UBE2E1: variants seen among roughly 807,000 people sequenced by gnomAD.
The protein encoded by UBE2E1 is ubiquitin-conjugating enzyme E2 E1.
UBE2E1 carries 6 observed loss-of-function variants against 21.4 expected under a neutral mutation model. The ratio of observed to expected loss-of-function variants is 0.28; its 90% CI spans 0.15 to 0.55. UBE2E1 has a LOEUF of 0.55. Among genes scored for constraint, UBE2E1 ranks in the 20% least tolerant of loss-of-function variants. UBE2E1 has a pLI of 0.93. For synonymous variants in UBE2E1, 87 were observed against 82.7 expected, an observed-to-expected ratio of 1.05 and a Z score of -0.28; for missense variants, 142 against 236.5, an observed-to-expected ratio of 0.60 and a Z score of 2.62.
Position 23,863,050 on chromosome 3 carries a change from TTGTTA to T in UBE2E1, c.204-24516_204-24512del, listed in dbSNP as rs1383857694. Among the ~76,000 whole-genome samples the T allele has an allele frequency of 1.4e-5, 1 of 73,182 alleles. No individual in the cohort carries two copies. The highest frequency in any genetic ancestry group is 6.9e-5 in the African/African-American group (1 of 14,578). The allele number at this position is 73,182 out of a possible 152,430, so 48.0% of individuals were successfully genotyped here. A position where few individuals can be genotyped will look rare whatever the true frequency, so the allele number is the denominator to read the frequency against. ...TTTAAAGGCTTTAATATTTCTTTGT[TTGTTA>T]AAAAAAAAAAAAAAAACTATTCCCA... On this transcript the variant is annotated intron_variant, in intron 3 of 5. Coordinates refer to ENST00000306627, the MANE Select transcript of UBE2E1 (RefSeq NM_003341.5). The surrounding 1 kb of genome is among the most constrained non-coding windows in gnomAD (Gnocchi z 4.3).
chr3:23,844,784 T>C (rs1215592135), intron 3 of UBE2E1, among the ~76,000 whole-genome samples: 1 of 152,204 alleles, frequency 6.6e-6, no homozygotes, highest in Non-Finnish European at 1.5e-5. Flanking sequence ...TTAGGTGTTA[T>C]GCGTGGGAGA....
intron 3 of UBE2E1, among the ~76,000 whole-genome samples, chr3:23,872,381 GGGGAGAGGGAGA>G (rs562975927): frequency 1.3e-5 from 2 of 149,318 alleles, no homozygotes; most frequent in Non-Finnish European, 3.0e-5. Context: ...GGAGGGGGAG[GGGGAGAGGGAGA>G]GGGAGAGGCC....
intron 3 of UBE2E1, among the ~76,000 whole-genome samples, chr3:23,846,297 C>T (rs1402877419): frequency 6.6e-6 from 1 of 151,958 alleles, no homozygotes; most frequent in Non-Finnish European, 1.5e-5. Flanking sequence ...GTGCAGTGGC[C>T]CATTCCTGTA....
At chr3:23,815,611 G>A (rs1190934116) in intron 3 of UBE2E1, among the ~76,000 whole-genome samples, 1 of 152,146 alleles carries the variant, frequency 6.6e-6, no homozygotes, top group Non-Finnish European at 1.5e-5. Context: ...TGTCAGTTCA[G>A]AAGTCCCAGG....
chr3:23,816,940 ATG>A lies in UBE2E1; in HGVS notation c.203+5432_203+5433del, dbSNP rs1188706340. On this transcript the variant is annotated intron_variant, in intron 3 of 5. Transcript: ENST00000306627. The surrounding 1 kb of genome is among the most constrained non-coding windows in gnomAD (Gnocchi z 4.8). ...TGGTGATGGTTGCGCAATATTGTGA[ATG>A]TAATTAATGCCACTAAATTGTACAC... is the stretch of plus-strand genomic sequence containing the variant. Among the ~76,000 whole-genome samples, 1 of 152,196 alleles carries A rather than the reference ATG, an allele frequency of 6.6e-6. No homozygotes were observed. The highest frequency in any genetic ancestry group is 1.5e-5 in the Non-Finnish European group (1 of 68,026).
At chr3:23,837,947 C>G (rs1700005569) in intron 3 of UBE2E1, among the ~76,000 whole-genome samples, 1 of 152,170 alleles carries the variant, frequency 6.6e-6, no homozygotes, top group Non-Finnish European at 1.5e-5. Context: ...CTTATTAAAA[C>G]AGGTTGATAC....
chr3:23,880,159 G>T (rs906640745), intron 3 of UBE2E1, among the ~76,000 whole-genome samples: 2 of 152,104 alleles, frequency 1.3e-5, no homozygotes, highest in African/African-American at 4.8e-5. Context: ...GAGGCGGGCG[G>T]ATCACCTGAG....
At chr3:23,846,780 A>G (rs1700215279) in intron 3 of UBE2E1, among the ~76,000 whole-genome samples, 1 of 151,876 alleles carries the variant, frequency 6.6e-6, no homozygotes, top group South Asian at 2.1e-4. Context: ...GTCTTGGAGT[A>G]TACCATTTGA....
At chr3:23,845,844 C>T (rs1431719304) in intron 3 of UBE2E1, among the ~76,000 whole-genome samples, 1 of 151,906 alleles carries the variant, frequency 6.6e-6, no homozygotes. Context: ...TTACGGACAC[C>T]GATTTCAATT....
rs888493209 is a variant in UBE2E1, at chr3:23,846,719, G to A, written c.203+35209G>A. Among the ~76,000 whole-genome samples the A allele has an allele frequency of 4.7e-3, 448 of 95,082 alleles. 8 individuals carry two copies. The East Asian group carries it at 0.052, about 11-fold the overall frequency. The allele number at this position is 95,082 out of a possible 152,430, so 62.4% of individuals were successfully genotyped here. On this transcript the variant is annotated intron_variant, in intron 3 of 5. Coordinates refer to ENST00000306627, the MANE Select transcript of UBE2E1 (RefSeq NM_003341.5). The stretch of plus-strand genomic sequence containing the variant: ...TCATCAAAAAAAAAAAAAAAAAAAA[G>A]GGAATGGGTAATAGAGATGGAAAAT...
At chr3:23,890,206 T>A (rs1371276128) in intron 5 of UBE2E1, among the ~76,000 whole-genome samples, 1 of 152,152 alleles carries the variant, frequency 6.6e-6, no homozygotes, top group Non-Finnish European at 1.5e-5. Flanking sequence ...CAGTCTCTAC[T>A]GAACTCAGCC....
intron 3 of UBE2E1, among the ~76,000 whole-genome samples, chr3:23,818,004 C>T (rs1410540454): frequency 1.3e-5 from 2 of 152,034 alleles, no homozygotes; most frequent in Non-Finnish European, 2.9e-5. Flanking sequence ...GAGATTGCTA[C>T]AGTAGTTAAG....
intron 3 of UBE2E1, among the ~76,000 whole-genome samples, chr3:23,855,310 C>G (rs925288409): frequency 6.6e-6 from 1 of 152,024 alleles, no homozygotes; most frequent in Non-Finnish European, 1.5e-5. Flanking sequence ...CATCTTGATA[C>G]GTTAATTTTC....
intron 3 of UBE2E1, among the ~76,000 whole-genome samples, chr3:23,839,056 C>T (rs1370805979): frequency 6.6e-6 from 1 of 152,126 alleles, no homozygotes; most frequent in East Asian, 1.9e-4. Context: ...GACCCCTCAA[C>T]AATCCCTCTC....
Position 23,816,760 on chromosome 3 carries a change from G to A in UBE2E1, c.203+5250G>A, listed in dbSNP as rs1440462409. Reference sequence around the variant, plus strand: ...AACTAGAACCAAAAAGACAAATAGCGTATGATTCCACTTACATGAAATACC... The same window carrying A: ...AACTAGAACCAAAAAGACAAATAGCATATGATTCCACTTACATGAAATACC... On this transcript the variant is annotated intron_variant, in intron 3 of 5. Coordinates refer to ENST00000306627, the MANE Select transcript of UBE2E1 (RefSeq NM_003341.5). This position sits in a 1 kb window ranked among gnomAD's most constrained non-coding sequence, Gnocchi z 4.8. Among the ~76,000 whole-genome samples, 5 of 152,028 alleles carry A rather than the reference G, an allele frequency of 3.3e-5. No individual in the cohort carries two copies. The highest frequency in any genetic ancestry group is 2.1e-4 in the South Asian group (1 of 4,812).
intron 3 of UBE2E1, among the ~76,000 whole-genome samples, chr3:23,834,142 A>G (rs1408262706): frequency 6.6e-6 from 1 of 152,246 alleles, no homozygotes; most frequent in Non-Finnish European, 1.5e-5. Context: ...GTCTTTGGAC[A>G]AGGCCTTTTA....
Position 23,890,777 on chromosome 3 carries a change from G to A in UBE2E1, c.*171G>A. 5.7e-6 allele frequency: 3 copies of A among 528,400 alleles called. No individual in the cohort carries two copies. The highest frequency in any genetic ancestry group is 3.1e-6 in the Non-Finnish European group (1 of 321,500). The allele number at this position is 528,400 out of a possible 1,614,324, so 32.7% of individuals were successfully genotyped here. A position where few individuals can be genotyped will look rare whatever the true frequency, so the allele number is the denominator to read the frequency against. On this transcript the variant is annotated 3_prime_UTR_variant, in exon 6 of 6. Transcript: ENST00000306627. ...TTGTAACTTAAGGTATCTTGCTACA[G>A]TAGACAGAATTGGTAATAGCAACTT...
chr3:23,825,772 G>C (rs1339354412), intron 3 of UBE2E1, among the ~76,000 whole-genome samples: 3 of 152,156 alleles, frequency 2.0e-5, no homozygotes, highest in African/African-American at 7.2e-5. Context: ...AATGAGGTAG[G>C]CAGGGGTCAG....
chr3:23,850,808 G>A (rs1298980469), intron 3 of UBE2E1, among the ~76,000 whole-genome samples: 5 of 148,252 alleles, frequency 3.4e-5, no homozygotes, highest in African/African-American at 1.2e-4. Context: ...CCAGTAGCAG[G>A]GACTACAGAT....
Sources: allele counts gnomAD v4.1 joint callset (sites outside exome capture counted in the v4.1 genomes callset), GRCh38; gene constraint gnomAD v4.1.1; non-coding constraint Gnocchi (gnomAD v3.1); transcripts MANE v1.5; gene names NCBI Gene and HGNC (gene_info 2026-07-23, HGNC 2026-07-21).